Variants in USP33 observed in about 807,000 individuals in gnomAD.
The protein encoded by USP33 is ubiquitin carboxyl-terminal hydrolase 33.
In USP33, 46 loss-of-function variants were observed where a neutral mutation model predicts 124.2. The observed-to-expected ratio is 0.37, with a 90% CI of 0.29 to 0.47. The LOEUF is 0.47. USP33 is among the 20% of genes least tolerant of loss of function. The pLI, the probability that USP33 is intolerant of heterozygous loss-of-function variation, is 0.99. For missense variants in USP33, 851 were observed against 1,070.6 expected (o/e 0.79, Z 2.86); for synonymous variants, 350 against 352.3 (o/e 0.99, Z 0.07).
chr1:77,750,915 T>C (rs1157078086), intron 1 of USP33, among the ~76,000 whole-genome samples: 2 of 152,188 alleles, frequency 1.3e-5, no homozygotes. Flanking sequence ...CAATGGGAGT[T>C]CTTAGCTACT....
At chr1:77,755,487 G>C (rs1343273037) in intron 1 of USP33, among the ~76,000 whole-genome samples, 1 of 152,180 alleles carries the variant, frequency 6.6e-6, no homozygotes, top group Non-Finnish European at 1.5e-5. Context: ...CTTGAGGTCA[G>C]GAGTTTGAGA....
At chr1:77,728,184 T>C in intron 10 of USP33, 111 bp downstream of exon 10, 2 of 1,228,750 alleles carry the variant, frequency 1.6e-6, no homozygotes, top group Non-Finnish European at 2.2e-6. Flanking sequence ...CACATGCAAA[T>C]ACTGCTAAAC....
intron 15 of USP33, among the ~76,000 whole-genome samples, chr1:77,719,798 G>A (rs1319009115): frequency 2.1e-5 from 3 of 143,964 alleles, no homozygotes; most frequent in African/African-American, 5.2e-5. Context: ...AGGTTGCAGT[G>A]AGCCGAGATC....
At chr1:77,735,865 T>C (rs887151757) in intron 6 of USP33, among the ~76,000 whole-genome samples, 191 bp downstream of exon 6, 1 of 152,196 alleles carries the variant, frequency 6.6e-6, no homozygotes, top group African/African-American at 2.4e-5. Flanking sequence ...GGATCCTACC[T>C]TTGGTAAACT....
At position 77,697,397 on chromosome 1, in the gene USP33, G is replaced by A. The variant is rs1446467589; in HGVS notation, c.2656C>T (p.Leu886=). ...TCAACATGAACAACCGGAGGTCGCA[G>A]GATAACTTCAGGCCCTCCACCATAA... is the stretch of plus-strand genomic sequence containing the variant. ...SIYGGGPEVI[L]RPPVVHVDPD... Residue 886 remains leucine (L), a synonymous_variant, in exon 24 of 24, where the codon CTG becomes TTG. Coordinates refer to ENST00000370794, the MANE Select transcript of USP33 (RefSeq NM_201624.3). The A allele has an allele frequency of 8.1e-6, 13 of 1,613,142 alleles. No homozygotes were observed. Among genetic ancestry groups the A allele is most frequent in the East Asian group, 6.7e-5 (3 of 44,854 alleles).
chr1:77,736,986 G>A (rs945895277), intron 5 of USP33, among the ~76,000 whole-genome samples: 1 of 151,642 alleles, frequency 6.6e-6, no homozygotes, highest in Admixed American at 6.6e-5. Context: ...CCAACAATTG[G>A]CTTGACTCAG....
chr1:77,756,041 C>A (rs1252147604), intron 1 of USP33, among the ~76,000 whole-genome samples: 5 of 152,200 alleles, frequency 3.3e-5, no homozygotes, highest in Non-Finnish European at 1.5e-5. Context: ...GTCCTTCTGT[C>A]AACCCTTCTT....
intron 19 of USP33, 52 bp from the exon 20 acceptor site, chr1:77,713,333 C>A: frequency 6.8e-7 from 1 of 1,463,498 alleles, no homozygotes; most frequent in South Asian, 1.2e-5. Flanking sequence ...ATATTCCTTT[C>A]AAACATTAAA....
intron 7 of USP33, among the ~76,000 whole-genome samples, chr1:77,732,629 T>G (rs115331717): frequency 6.6e-6 from 1 of 152,264 alleles, no homozygotes; most frequent in South Asian, 2.1e-4. Flanking sequence ...CTATGATTAC[T>G]GTACCCCGTC....
chr1:77,745,864 T>C (rs1570855600), intron 1 of USP33, among the ~76,000 whole-genome samples: 1 of 152,146 alleles, frequency 6.6e-6, no homozygotes, highest in East Asian at 1.9e-4. Context: ...CCAGAATCTC[T>C]GGGACACATT....
At chr1:77,731,214 T>C (rs865910312) in intron 7 of USP33, among the ~76,000 whole-genome samples, 5 of 152,338 alleles carry the variant, frequency 3.3e-5, no homozygotes, top group Admixed American at 6.5e-5. Flanking sequence ...CAAATTTATA[T>C]AAAGTCAACC....
intron 3 of USP33, 35 bp downstream of exon 3, chr1:77,741,341 T>A: frequency 6.4e-7 from 1 of 1,561,324 alleles, no homozygotes; most frequent in Non-Finnish European, 8.6e-7. Flanking sequence ...TTATTATTAT[T>A]ATAGCAATCT....
intron 15 of USP33, among the ~76,000 whole-genome samples, chr1:77,719,349 C>G (rs545977762): frequency 6.6e-6 from 1 of 152,136 alleles, no homozygotes; most frequent in Non-Finnish European, 1.5e-5. Context: ...CAGAGCAAGA[C>G]TCCATCTCAA....
At chr1:77,711,983 A>C in intron 20 of USP33, 128 bp from the exon 21 acceptor site, 1 of 889,628 alleles carries the variant, frequency 1.1e-6, no homozygotes, top group Non-Finnish European at 1.7e-6. Context: ...AAAATCAAAA[A>C]TCATATAAGG....
chr1:77,697,388 G>A lies in USP33; in HGVS notation c.2665C>T (p.Pro889Ser). 6.2e-7 allele frequency: 1 copy of A among 1,613,122 alleles called. No homozygotes were observed. Among genetic ancestry groups the A allele is most frequent in the Non-Finnish European group, 8.5e-7 (1 of 1,179,824 alleles). ...ATATCTGGATCAACATGAACAACCG[G>A]AGGTCGCAGGATAACTTCAGGCCCT... ...GGGPEVILRPPVVHVDPDILQ... is the reference protein window; with the variant it reads ...GGGPEVILRPSVVHVDPDILQ... The change falls in exon 24 of 24, where the codon CCG becomes TCG. Residue 889 changes from proline to serine, a missense_variant. Around this residue, in one of 4 missense-constraint regions of USP33, gnomAD observed 142 missense variants for 141.8 expected, o/e 1.00. Coordinates refer to ENST00000370794, the MANE Select transcript of USP33 (RefSeq NM_201624.3).
chr1:77,727,682 T>C (rs544876966), intron 10 of USP33, among the ~76,000 whole-genome samples: 22 of 152,258 alleles, frequency 1.4e-4, no homozygotes, highest in Non-Finnish European at 2.6e-4. Context: ...TAAGATCACA[T>C]AATTTGAACC....
At chr1:77,708,172 T>A (rs941158317) in intron 21 of USP33, among the ~76,000 whole-genome samples, 6 of 152,232 alleles carry the variant, frequency 3.9e-5, no homozygotes, top group Non-Finnish European at 8.8e-5. Context: ...TATCTGTTAA[T>A]GAACATCATT....
intron 7 of USP33, among the ~76,000 whole-genome samples, chr1:77,733,392 A>AC (rs1678071197): frequency 7.8e-6 from 1 of 128,456 alleles, no homozygotes; most frequent in Non-Finnish European, 1.7e-5. Flanking sequence ...GACCCAGCCT[A>AC]AAAAAAAAAA....
intron 1 of USP33, among the ~76,000 whole-genome samples, chr1:77,748,692 TTGA>T (rs1679980344): frequency 6.6e-6 from 1 of 151,260 alleles, no homozygotes; most frequent in Admixed American, 6.6e-5. Flanking sequence ...AGAAATGGTC[TTGA>T]TGAACTATGG....
Sources: allele counts gnomAD v4.1 joint callset (sites outside exome capture counted in the v4.1 genomes callset), GRCh38; gene constraint gnomAD v4.1.1; regional missense constraint gnomAD v4.1.1; transcripts MANE v1.5; gene names NCBI Gene and HGNC (gene_info 2026-07-23, HGNC 2026-07-21).